PARP4: variants seen among roughly 807,000 people sequenced by gnomAD.
PARP4 encodes the protein protein mono-ADP-ribosyltransferase PARP4.
In PARP4, 120 loss-of-function variants were observed where a neutral mutation model predicts 187.7. The ratio of observed to expected loss-of-function variants is 0.64; its 90% confidence interval spans 0.55 to 0.74. The LOEUF (loss-of-function observed/expected upper bound fraction) is 0.74. PARP4 is among the 30% of genes least tolerant of loss of function. PARP4 has a pLI of 0.00. For missense variants in PARP4, 1,836 were observed against 2,070.5 expected (o/e 0.89, Z 2.20); for synonymous variants, 654 against 740.9 (o/e 0.88, Z 1.90).
At chr13:24,431,535 T>A (rs1870334745) in intron 31 of PARP4, 59 bp from the exon 32 acceptor site, 3 of 1,084,792 alleles carry the variant, frequency 2.8e-6, no homozygotes, top group Non-Finnish European at 4.2e-6. Context: ...ACATAAGAAG[T>A]TACGTAGTGG....
chr13:24,447,999 G>A (rs9507347), intron 25 of PARP4, among the ~76,000 whole-genome samples: 125,676 of 151,956 alleles, frequency 0.83, 54,493 homozygotes, highest in East Asian at 0.98. Context: ...TTGAGCTTGG[G>A]ATTCGAGACC....
At chr13:24,493,797 A>T in intron 7 of PARP4, 64 bp from the exon 8 acceptor site, 1 of 1,511,630 alleles carries the variant, frequency 6.6e-7, no homozygotes, top group Middle Eastern at 1.7e-4. Flanking sequence ...TAAAACTTAC[A>T]TGGGCCAACG....
At position 24,475,780 on chromosome 13, in the gene PARP4, G is replaced by A. The variant is rs1207091059; in HGVS notation, c.1790-184C>T. 2.9e-5 allele frequency among the ~76,000 whole-genome samples: 4 copies of A among 137,038 alleles called. 1 individual carries two copies. In the South Asian group the frequency reaches 8.2e-4, roughly 28 times the overall value. 89.9% of individuals were successfully genotyped at this position (137,038 alleles called of 152,430 possible). On this transcript the variant is annotated intron_variant, in intron 14 of 33. Transcript: ENST00000381989. Reference sequence around the variant, plus strand: ...TGAACCCACATGAGAAAAATGAGAGGTGCCTTCTGCCTTTTTTTTTTTGAG... The same window carrying A: ...TGAACCCACATGAGAAAAATGAGAGATGCCTTCTGCCTTTTTTTTTTTGAG...
intron 30 of PARP4, 39 bp from the exon 31 acceptor site, chr13:24,435,513 A>G: frequency 6.6e-7 from 1 of 1,522,200 alleles, no homozygotes; most frequent in Non-Finnish European, 8.7e-7. Flanking sequence ...AGGGGAAAAC[A>G]CAGAATAAAA....
At chr13:24,470,592 T>TC (rs1391678639) in intron 15 of PARP4, among the ~76,000 whole-genome samples, 1 of 152,054 alleles carries the variant, frequency 6.6e-6, no homozygotes, top group Non-Finnish European at 1.5e-5. Flanking sequence ...CATCACTCCC[T>TC]CACTCAGGAA....
intron 6 of PARP4, among the ~76,000 whole-genome samples, chr13:24,497,177 T>C (rs1252694336): frequency 6.6e-6 from 1 of 151,122 alleles, no homozygotes; most frequent in Non-Finnish European, 1.5e-5. Flanking sequence ...ACTGTGCTCT[T>C]GACCTGATAC....
At chr13:24,451,258 G>A (rs947693213) in intron 24 of PARP4, among the ~76,000 whole-genome samples, 3 of 152,206 alleles carry the variant, frequency 2.0e-5, no homozygotes, top group South Asian at 2.1e-4. Context: ...TGCCCTGAGC[G>A]CAGCTGTGAG....
At position 24,420,949 on chromosome 13, in the gene PARP4, A is replaced by G; in HGVS notation, c.*170T>C. 2 of 703,298 alleles carry G rather than the reference A, an allele frequency of 2.8e-6. No homozygotes were observed. The highest frequency in any genetic ancestry group is 4.0e-6 in the Non-Finnish European group (2 of 500,398). The allele number at this position is 703,298 out of a possible 1,614,324, so 43.6% of individuals were successfully genotyped here. A position where few individuals can be genotyped will look rare whatever the true frequency, so the allele number is the denominator to read the frequency against. ...ACTGAAATATTTTAAGTTTCATTTT[A>G]TTATTGCTTGTTAGTTGATTAAAGT... On this transcript the variant is annotated 3_prime_UTR_variant, in exon 34 of 34. Transcript: ENST00000381989.
At position 24,478,350 on chromosome 13, in the gene PARP4, T is replaced by A. The variant is rs1873099785; in HGVS notation, c.1449-74A>T. On this transcript the variant is annotated intron_variant, in intron 12 of 33. Coordinates refer to ENST00000381989, the MANE Select transcript of PARP4 (RefSeq NM_006437.4). Reference sequence around the variant, plus strand: ...TCAATAACATACTATTGAAAAGACTTTCCTGGTAAACTGTTCTAAATTTTC... The same window carrying A: ...TCAATAACATACTATTGAAAAGACTATCCTGGTAAACTGTTCTAAATTTTC... 9 of 973,216 alleles carry A rather than the reference T, an allele frequency of 9.2e-6. No individual in the cohort carries two copies. The South Asian group carries it at 1.7e-4, about 18-fold the overall frequency. The allele number at this position is 973,216 out of a possible 1,614,324, so 60.3% of individuals were successfully genotyped here.
intron 20 of PARP4, among the ~76,000 whole-genome samples, chr13:24,457,446 T>A (rs1226150749): frequency 6.6e-6 from 1 of 152,106 alleles, no homozygotes; most frequent in East Asian, 1.9e-4. Flanking sequence ...AAAGTGTCCA[T>A]GCAACGGGCC....
intron 33 of PARP4, among the ~76,000 whole-genome samples, chr13:24,425,511 ATGTATATG>A (rs1457407134): frequency 4.0e-5 from 6 of 150,284 alleles, no homozygotes; most frequent in Admixed American, 2.0e-4. Context: ...TTACATGTGT[ATGTATATG>A]TGTATATGTG....
At chr13:24,502,383 T>TA (rs1189565427) in intron 2 of PARP4, among the ~76,000 whole-genome samples, 1 of 152,186 alleles carries the variant, frequency 6.6e-6, no homozygotes, top group Non-Finnish European at 1.5e-5. Flanking sequence ...GTAGAATATC[T>TA]AAAAAATAAA....
chr13:24,468,585 A>G (rs1872592345), intron 17 of PARP4, among the ~76,000 whole-genome samples: 1 of 151,960 alleles, frequency 6.6e-6, no homozygotes, highest in African/African-American at 2.4e-5. Flanking sequence ...TTGTACTTTT[A>G]GTAAGAGGGG....
At chr13:24,493,175 T>C (rs1423217468) in intron 8 of PARP4, among the ~76,000 whole-genome samples, 1 of 152,220 alleles carries the variant, frequency 6.6e-6, no homozygotes, top group Non-Finnish European at 1.5e-5. Context: ...GAAGAACATT[T>C]TCTGGTGGTC....
chr13:24,459,164 A>G lies in PARP4; in HGVS notation c.2346-42T>C, dbSNP rs1288558796. The G allele has an allele frequency of 2.5e-6, 4 of 1,576,382 alleles. No homozygotes were observed. The Admixed American group carries it at 7.3e-5, about 29-fold the overall frequency. On this transcript the variant is annotated intron_variant, in intron 19 of 33. Transcript: ENST00000381989. ...GAAAGTTGTCTTAGTCTACGATCTTAAATTTCTATCTGAAATTATTTCAAA... is the reference window on the plus strand; with the variant it reads ...GAAAGTTGTCTTAGTCTACGATCTTGAATTTCTATCTGAAATTATTTCAAA...
intron 1 of PARP4, among the ~76,000 whole-genome samples, chr13:24,504,307 CTTTTTTTTTTTTT>C (rs11434017): frequency 2.3e-5 from 2 of 87,356 alleles, no homozygotes; most frequent in Admixed American, 1.7e-4. Context: ...CATTTAGGTT[CTTTTTTTTTTTTT>C]TTTTTTTTTT....
chr13:24,493,325 G>A (rs956120969), intron 8 of PARP4, among the ~76,000 whole-genome samples: 1 of 152,198 alleles, frequency 6.6e-6, no homozygotes, highest in Admixed American at 6.5e-5. Context: ...TGGCACAGAG[G>A]ATCAGGCCTC....
At chr13:24,490,241 G>T (rs1413880852) in intron 10 of PARP4, among the ~76,000 whole-genome samples, 1 of 150,714 alleles carries the variant, frequency 6.6e-6, no homozygotes, top group Non-Finnish European at 1.5e-5. Context: ...CAGTGAATGA[G>T]GGCCCAAGTG....
chr13:24,491,889 A>G (rs1465632096), intron 9 of PARP4, among the ~76,000 whole-genome samples: 1 of 152,226 alleles, frequency 6.6e-6, no homozygotes, highest in Non-Finnish European at 1.5e-5. Flanking sequence ...CACAAAAAGA[A>G]CTATTACAGA....
Sources: gnomAD v4.1 joint callset for allele counts (sites outside exome capture counted in the v4.1 genomes callset) on GRCh38, gnomAD v4.1.1 for gene constraint, MANE v1.5 for transcripts, NCBI Gene and HGNC (gene_info 2026-07-23, HGNC 2026-07-21) for gene names.